MAGEC3: variants seen among roughly 807,000 people sequenced by gnomAD.
The protein encoded by MAGEC3 is melanoma-associated antigen C3.
MAGEC3 carries 34 observed loss-of-function variants against 35.3 expected under a neutral mutation model. That is an observed-to-expected ratio of 0.96 (90% confidence interval 0.73 to 1.28). The LOEUF (loss-of-function observed/expected upper bound fraction) is 1.28, where lower values mean the gene tolerates loss of function less well. Ranked by LOEUF, MAGEC3 falls within the 50% of genes most tolerant of loss-of-function variation. The pLI, the probability that MAGEC3 is intolerant of heterozygous loss-of-function variation, is 0.00. For missense variants in MAGEC3, 561 were observed against 483.6 expected (o/e 1.16, Z -1.50); for synonymous variants, 202 against 185.6 (o/e 1.09, Z -0.72).
chrX:141,857,188 GAA>G (rs987202363), intron 1 of MAGEC3, among the ~76,000 whole-genome samples: 6 of 102,834 alleles, frequency 5.8e-5, no homozygotes, highest in Admixed American at 1.0e-4. Flanking sequence ...ATGTAATTGT[GAA>G]AAAAAAAAAC....
chrX:141,873,573 T>C (rs1267244457), intron 2 of MAGEC3, among the ~76,000 whole-genome samples: 1 of 111,871 alleles, frequency 8.9e-6, no homozygotes, highest in African/African-American at 3.2e-5. Flanking sequence ...TTGTCCAAGA[T>C]GACAGTGCTC....
intron 1 of MAGEC3, among the ~76,000 whole-genome samples, chrX:141,848,260 C>T (rs1333085059): frequency 9.3e-6 from 1 of 108,044 alleles, no homozygotes; most frequent in East Asian, 2.9e-4. Context: ...AACATATTAC[C>T]GAAAGTCTTA....
chrX:141,863,486 A>T (rs1381321830), intron 1 of MAGEC3, among the ~76,000 whole-genome samples: 3 of 111,933 alleles, frequency 2.7e-5, no homozygotes, highest in Non-Finnish European at 5.6e-5. Flanking sequence ...TAATAATAAT[A>T]TATTAACATA....
chrX:141,895,482 T>C lies in MAGEC3; in HGVS notation c.1049-3T>C. The C allele has an allele frequency of 1.7e-6, 2 of 1,210,549 alleles. No individual in the cohort carries two copies. The highest frequency in any genetic ancestry group is 2.2e-6 in the Non-Finnish European group (2 of 894,996). ...AGCCCCGGTCTGCCCTGCGCTGCCA[T>C]AGGACTTGCAGGCCACAGACAGGAA... is the stretch of plus-strand genomic sequence containing the variant. On this transcript the variant is annotated splice_region_variant and splice_polypyrimidine_tract_variant and intron_variant, in intron 5 of 7. Coordinates refer to ENST00000298296, the MANE Select transcript of MAGEC3 (RefSeq NM_138702.1).
At position 141,881,461 on chromosome X, in the gene MAGEC3, G is replaced by A; in HGVS notation, c.574G>A (p.Val192Met). 4 of 1,210,440 alleles carry A rather than the reference G, an allele frequency of 3.3e-6. No individual in the cohort carries two copies. The highest frequency in any genetic ancestry group is 1.8e-5 in the South Asian group (1 of 56,731). Reference protein sequence around the residue: ...YTLDEKVDKLVQFLLLKYQAK... With the variant: ...YTLDEKVDKLMQFLLLKYQAK... ...ACTGGATGAAAAGGTGGACAAGTTG[G>A]TGCAGTTTCTTCTCCTCAAATATCA... The change falls in exon 4 of 8, where the codon GTG (valine) becomes ATG (methionine). Residue 192 changes from valine (V) to methionine (M), a missense_variant. Transcript: ENST00000298296.
intron 1 of MAGEC3, among the ~76,000 whole-genome samples, chrX:141,860,819 T>A (rs143601841): frequency 0.014 from 1,605 of 111,406 alleles, 22 homozygotes; most frequent in African/African-American, 0.049. Context: ...TGTGGAGTTG[T>A]TTAATGGATA....
intron 1 of MAGEC3, chrX:141,838,970 C>T: frequency 2.2e-6 from 1 of 457,938 alleles, no homozygotes; most frequent in Non-Finnish European, 2.7e-6. Context: ...TGTGAGGGAC[C>T]CAGCGGGAGC....
intron 2 of MAGEC3, among the ~76,000 whole-genome samples, chrX:141,874,391 A>G (rs1229158859): frequency 8.9e-6 from 1 of 112,124 alleles, no homozygotes. Flanking sequence ...AAATGAAAAA[A>G]TTCTGTTAAG....
chrX:141,859,071 T>A (rs1393120611), intron 1 of MAGEC3, among the ~76,000 whole-genome samples: 2 of 82,204 alleles, frequency 2.4e-5, no homozygotes, highest in Non-Finnish European at 5.0e-5. Context: ...TTCGCTTTGT[T>A]TCTGTCTTTT....
chrX:141,849,278 A>T (rs2017736160), intron 1 of MAGEC3, among the ~76,000 whole-genome samples: 2 of 111,127 alleles, frequency 1.8e-5, no homozygotes, highest in Admixed American at 1.9e-4. Context: ...ATAGAAATTA[A>T]CTCAAGATGA....
chrX:141,854,192 C>T (rs183986784), intron 1 of MAGEC3, among the ~76,000 whole-genome samples: 52 of 110,744 alleles, frequency 4.7e-4, no homozygotes, highest in Non-Finnish European at 7.0e-4. Context: ...TTATTATATA[C>T]GATAGATATT....
At chrX:141,848,060 G>A (rs185853270) in intron 1 of MAGEC3, among the ~76,000 whole-genome samples, 1 of 109,987 alleles carries the variant, frequency 9.1e-6, no homozygotes, top group African/African-American at 3.3e-5. Context: ...GTATGTGTAT[G>A]TATACATATG....
chrX:141,840,493 G>A (rs1192889333), intron 1 of MAGEC3, among the ~76,000 whole-genome samples: 1 of 111,684 alleles, frequency 9.0e-6, no homozygotes, highest in East Asian at 2.8e-4. Flanking sequence ...TTTTGAATTT[G>A]TTCTATGTAG....
chrX:141,894,661 G>A (rs1236857962), intron 4 of MAGEC3: 1 of 970,160 alleles, frequency 1.0e-6, no homozygotes, highest in Admixed American at 3.0e-5. Flanking sequence ...CTTCAGTTAA[G>A]CAGAGAAAGG....
At chrX:141,873,583 C>T (rs915187975) in intron 2 of MAGEC3, among the ~76,000 whole-genome samples, 1 of 111,577 alleles carries the variant, frequency 9.0e-6, no homozygotes, top group East Asian at 2.8e-4. Context: ...TGACAGTGCT[C>T]CTGCTCTGTC....
At chrX:141,888,856 T>C (rs1318628754) in intron 4 of MAGEC3, among the ~76,000 whole-genome samples, 5 of 111,949 alleles carry the variant, frequency 4.5e-5, no homozygotes, top group Non-Finnish European at 9.4e-5. Flanking sequence ...GCCAGCTACC[T>C]TGTAGCAAGT....
intron 2 of MAGEC3, among the ~76,000 whole-genome samples, chrX:141,877,366 T>C (rs995006713): frequency 8.9e-6 from 1 of 111,964 alleles, no homozygotes; most frequent in Non-Finnish European, 1.9e-5. Context: ...ATTTTGGTAC[T>C]ATAGGTTAAA....
chrX:141,870,916 T>C (rs1378898280), intron 2 of MAGEC3, among the ~76,000 whole-genome samples: 2 of 112,327 alleles, frequency 1.8e-5, no homozygotes, highest in Admixed American at 9.4e-5. Context: ...AAACCTAATA[T>C]CTGACCTGCA....
intron 1 of MAGEC3, chrX:141,839,011 C>G (rs1470751475): frequency 4.6e-6 from 1 of 219,695 alleles, no homozygotes; most frequent in African/African-American, 3.1e-5. Flanking sequence ...ATCATACAAT[C>G]TCCTGGCAGC....
Sources: allele counts gnomAD v4.1 joint callset (sites outside exome capture counted in the v4.1 genomes callset), GRCh38; gene constraint gnomAD v4.1.1; transcripts MANE v1.5; gene names NCBI Gene and HGNC (gene_info 2026-07-23, HGNC 2026-07-21).